The following PAX5 variants were observed in gnomAD, a reference collection of about 807,000 sequenced individuals.
The protein encoded by PAX5 is paired box protein Pax-5.
In PAX5, 9 loss-of-function variants were observed where a neutral mutation model predicts 43.7. The ratio of observed to expected loss-of-function variants is 0.21; its 90% CI spans 0.12 to 0.36. The LOEUF (loss-of-function observed/expected upper bound fraction) is 0.36, where lower values mean the gene tolerates loss of function less well. Among genes scored for constraint, PAX5 ranks in the 10% least tolerant of loss-of-function variants. The pLI is 1.00. For missense variants in PAX5, 383 were observed against 532.7 expected (o/e 0.72, Z 2.77); for synonymous variants, 228 against 214.3 (o/e 1.06, Z -0.56).
At chr9:36,925,066 G>T (rs1013385846) in intron 6 of PAX5, among the ~76,000 whole-genome samples, 1 of 152,024 alleles carries the variant, frequency 6.6e-6, no homozygotes, top group African/African-American at 2.4e-5. Context: ...TGAGCCACTG[G>T]GAGGGAAACC....
intron 8 of PAX5, among the ~76,000 whole-genome samples, chr9:36,867,993 G>A (rs886777881): frequency 1.4e-4 from 21 of 152,190 alleles, no homozygotes; most frequent in Non-Finnish European, 2.2e-4. Context: ...TCCCGGCCCC[G>A]GGAGGACAAT....
intron 9 of PAX5, among the ~76,000 whole-genome samples, chr9:36,844,406 G>A (rs1822364677): frequency 6.6e-6 from 1 of 152,178 alleles, no homozygotes; most frequent in Non-Finnish European, 1.5e-5. Flanking sequence ...GAGCCTCATT[G>A]TCCTCTTCCG....
intron 8 of PAX5, among the ~76,000 whole-genome samples, chr9:36,854,544 T>C (rs4510947): frequency 0.67 from 101,256 of 151,936 alleles, 34,113 homozygotes; most frequent in Non-Finnish European, 0.72. Flanking sequence ...AAGTGGTGTG[T>C]TTGGAAGAAA....
chr9:36,958,598 C>T (rs1833695827), intron 6 of PAX5, among the ~76,000 whole-genome samples: 1 of 152,100 alleles, frequency 6.6e-6, no homozygotes, highest in Non-Finnish European at 1.5e-5. Flanking sequence ...TTCAGGGGTA[C>T]AGCAACGTCG....
intron 6 of PAX5, among the ~76,000 whole-genome samples, chr9:36,964,474 C>T (rs987511422): frequency 6.6e-6 from 1 of 151,666 alleles, no homozygotes; most frequent in African/African-American, 2.4e-5. Context: ...CACCTGTAAT[C>T]CCAGCTACTC....
At chr9:36,846,027 G>T (rs1822542807) in intron 9 of PAX5, among the ~76,000 whole-genome samples, 1 of 152,088 alleles carries the variant, frequency 6.6e-6, no homozygotes, top group Admixed American at 6.5e-5. Flanking sequence ...AGGCTGATTG[G>T]CTGGCTCCAC....
chr9:36,891,795 T>C (rs755127890), intron 7 of PAX5, among the ~76,000 whole-genome samples: 26 of 152,368 alleles, frequency 1.7e-4, no homozygotes, highest in Non-Finnish European at 2.9e-4. Context: ...TAATTCTGAC[T>C]GACCTCCTTC....
At chr9:36,938,557 C>T (rs1488294011) in intron 6 of PAX5, among the ~76,000 whole-genome samples, 1 of 152,200 alleles carries the variant, frequency 6.6e-6, no homozygotes, top group Admixed American at 6.5e-5. Flanking sequence ...TCTCCCCATC[C>T]AACCGTCTCC....
rs563447842 is a variant in PAX5, at chr9:36,876,812, G to A, written c.1012+5192C>T. 7.2e-5 allele frequency among the ~76,000 whole-genome samples: 11 copies of A among 152,344 alleles called. No homozygotes were observed. In the East Asian group the frequency reaches 2.1e-3, roughly 29 times the overall value. ...AACCCTAGAGAAGACCAGAAGCTAT[G>A]TTTTGCAGACATGGGGATGCCCTGG... On this transcript the variant is annotated intron_variant, in intron 8 of 9. Coordinates refer to ENST00000358127, the MANE Select transcript of PAX5 (RefSeq NM_016734.3).
At chr9:36,862,567 C>T (rs1432885538) in intron 8 of PAX5, among the ~76,000 whole-genome samples, 2 of 152,076 alleles carry the variant, frequency 1.3e-5, no homozygotes, top group Non-Finnish European at 2.9e-5. Context: ...ATGCTATGAC[C>T]CCCAATAAAC....
rs549902460 is a variant in PAX5 at position 36,892,416 on chromosome 9, T to C, written c.911-10311A>G. 2.0e-5 allele frequency among the ~76,000 whole-genome samples: 3 copies of C among 152,356 alleles called. No homozygotes were observed. The East Asian group carries it at 5.8e-4, about 29-fold the overall frequency. ...TTACACAGCTCTTAGCGCCAAGCAT[T>C]GTTCTAAGCACTTTGTATGTATTAT... On this transcript the variant is annotated intron_variant, in intron 7 of 9. Coordinates refer to ENST00000358127, the MANE Select transcript of PAX5 (RefSeq NM_016734.3).
Position 37,020,696 on chromosome 9 carries a change from G to A in PAX5, c.152C>T (p.Pro51Leu). ...CCGAAGCTGCCTGGAGATGTCGCAGGGCCTGACACCTTGATGAGCAAGTTC... is the reference window on the plus strand; with the variant it reads ...CCGAAGCTGCCTGGAGATGTCGCAGAGCCTGACACCTTGATGAGCAAGTTC... ...IVELAHQGVR[P>L]CDISRQLRVS... The change falls in exon 2 of 10, where the codon CCC becomes CTC. Residue 51 changes from proline to leucine, a missense_variant. Pro to Leu is a moderately conservative substitution (Grantham distance 98). This residue lies in a region of PAX5 where 54 missense variants were observed against 68.6 expected (regional missense o/e 0.79). Transcript: ENST00000358127. 1 of 1,614,120 alleles carries A rather than the reference G, an allele frequency of 6.2e-7. No individual in the cohort carries two copies. The highest frequency in any genetic ancestry group is 8.5e-7 in the Non-Finnish European group (1 of 1,180,028).
At chr9:36,864,733 G>A (rs1018646063) in intron 8 of PAX5, among the ~76,000 whole-genome samples, 13 of 152,234 alleles carry the variant, frequency 8.5e-5, no homozygotes, top group African/African-American at 1.9e-4. Flanking sequence ...CCTGCCGCCA[G>A]GGCTGATGGC....
intron 1 of PAX5, among the ~76,000 whole-genome samples, chr9:37,027,193 C>G (rs549959395): frequency 2.6e-5 from 4 of 152,374 alleles, no homozygotes; most frequent in South Asian, 2.1e-4. Context: ...AAAGAACTTC[C>G]TCTCCGGCAG....
intron 7 of PAX5, among the ~76,000 whole-genome samples, chr9:36,894,929 T>C (rs1386693550): frequency 6.6e-6 from 1 of 152,210 alleles, no homozygotes; most frequent in Non-Finnish European, 1.5e-5. Flanking sequence ...TTACCAGCCG[T>C]GTGACCTTGG....
chr9:36,845,854 T>C (rs1822520790), intron 9 of PAX5, among the ~76,000 whole-genome samples: 1 of 152,214 alleles, frequency 6.6e-6, no homozygotes, highest in African/African-American at 2.4e-5. Context: ...CCAAAATAAT[T>C]AAGGATCCAA....
intron 7 of PAX5, among the ~76,000 whole-genome samples, chr9:36,898,680 T>C (rs1828092184): frequency 6.6e-6 from 1 of 152,180 alleles, no homozygotes; most frequent in East Asian, 1.9e-4. Flanking sequence ...TCTCATGTGG[T>C]TTGCCCGCTC....
rs1424363080 is a variant in PAX5 at position 37,006,481 on chromosome 9, T to G, written c.467A>C (p.His156Pro). The change falls in exon 4 of 10, where the codon CAC becomes CCC. Residue 156 changes from histidine to proline, a missense_variant. This residue lies in a region of PAX5 where 291 missense variants were observed against 342.5 expected (regional missense o/e 0.85). Coordinates refer to ENST00000358127, the MANE Select transcript of PAX5 (RefSeq NM_016734.3). ...PPNQPVPASS[H>P]SIVSTGSVTQ... ...TTAAAAGTTCCTCTTACCTATGCTGTGACTGGAAGCTGGGACTGGTTGGTT... is the reference window on the plus strand; with the variant it reads ...TTAAAAGTTCCTCTTACCTATGCTGGGACTGGAAGCTGGGACTGGTTGGTT... The G allele has an allele frequency of 6.2e-7, 1 of 1,613,708 alleles. No homozygotes were observed. Among genetic ancestry groups the G allele is most frequent in the African/African-American group, 1.3e-5 (1 of 74,918 alleles).
At chr9:37,006,968 T>C (rs1020747361) in intron 3 of PAX5, among the ~76,000 whole-genome samples, 93 of 152,246 alleles carry the variant, frequency 6.1e-4, no homozygotes, top group African/African-American at 1.9e-3. Flanking sequence ...AACTTGGTAA[T>C]CTCTCTGTCC....
Sources: allele counts gnomAD v4.1 joint callset (sites outside exome capture counted in the v4.1 genomes callset), GRCh38; gene constraint gnomAD v4.1.1; regional missense constraint gnomAD v4.1.1; transcripts MANE v1.5; gene names NCBI Gene and HGNC (gene_info 2026-07-23, HGNC 2026-07-21).